Variants in C17orf99 observed in about 807,000 individuals in gnomAD.
C17orf99 encodes protein IL-40.
A neutral mutation model predicts 22.6 loss-of-function variants in C17orf99; 18 were observed. The observed-to-expected ratio is 0.80, with a 90% CI of 0.55 to 1.18. The LOEUF is 1.18. Ranked by LOEUF, C17orf99 falls within the 50% of genes most tolerant of loss-of-function variation. The pLI is 0.00. For missense variants in C17orf99, 328 were observed against 342.7 expected (o/e 0.96, Z 0.34); for synonymous variants, 147 against 136.6 (o/e 1.08, Z -0.53).
upstream of C17orf99, among the ~76,000 whole-genome samples, chr17:78,145,730 C>G (rs947339678): frequency 3.9e-5 from 6 of 151,942 alleles, no homozygotes; most frequent in East Asian, 1.9e-4. Context: ...AGACTCACAG[C>G]CTTCATTCCC....
In C17orf99 at chr17:78,155,463, ATTC is replaced by A. The variant is rs149714719; in HGVS notation, c.71-5489_71-5487del. The stretch of plus-strand genomic sequence containing the variant: ...CCCAAGCACTGCCCCACCACACAGT[ATTC>A]TTTTTTTCTTTTTAATTTTTCTTTC... On this transcript the variant is annotated intron_variant, in intron 2 of 4. Transcript: ENST00000340363. 2.6e-3 allele frequency among the ~76,000 whole-genome samples: 391 copies of A among 152,038 alleles called. 2 individuals carry two copies. The highest frequency in any genetic ancestry group is 8.6e-3 in the African/African-American group (355 of 41,456).
chr17:78,157,471 G>A (rs12947186), intron 2 of C17orf99: 155,065 of 1,301,644 alleles, frequency 0.12, 10,622 homozygotes, highest in Admixed American at 0.23. Flanking sequence ...GGGCCTCAGC[G>A]ACCTTCCCAA....
chr17:78,161,127 CT>C lies in C17orf99; in HGVS notation c.244del (p.Ser82ProfsTer65). 1 of 1,551,828 alleles carries C rather than the reference CT, an allele frequency of 6.4e-7. No homozygotes were observed. Among genetic ancestry groups the C allele is most frequent in the Non-Finnish European group, 8.7e-7 (1 of 1,147,022 alleles). ...AGGTGGTGAAGACCCACGAGCCGGC[CT>C]CCTTCAACCTCAACGTCACACTCAA... ...KKVVKTHEPASFNLNVTLKSS... is the reference protein window; with the variant it reads ...KKVVKTHEPAXFNLNVTLKSS... On this transcript the variant is annotated frameshift_variant, in exon 3 of 5. Transcript: ENST00000340363. LOFTEE classifies it high-confidence loss of function.
chr17:78,165,174 G>T (rs2075608698), intron 4 of C17orf99: 2 of 997,906 alleles, frequency 2.0e-6, no homozygotes, highest in African/African-American at 1.7e-5. Flanking sequence ...GGCACCACAG[G>T]CCTGTGTGCT....
Position 78,161,195 on chromosome 17 carries a change from C to T in C17orf99, c.311C>T (p.Ser104Phe), listed in dbSNP as rs1193716884. 1 of 1,551,736 alleles carries T rather than the reference C, an allele frequency of 6.4e-7. No individual in the cohort carries two copies. Residue 104 changes from serine (S) to phenylalanine (F), a missense_variant, in exon 3 of 5, where the codon TCC becomes TTC. Coordinates refer to ENST00000340363, the MANE Select transcript of C17orf99 (RefSeq NM_001163075.2). ...DLLTYFCWASSTSGAHVDSAR... is the reference protein window; with the variant it reads ...DLLTYFCWASFTSGAHVDSAR... The stretch of plus-strand genomic sequence containing the variant: ...CTCACCTACTTCTGCTGGGCGTCCT[C>T]CACCTCAGGTGCCCATGTGGACAGT...
At chr17:78,145,605 T>C (rs1388304008), upstream of C17orf99, among the ~76,000 whole-genome samples, 1 of 152,030 alleles carries the variant, frequency 6.6e-6, no homozygotes, top group Non-Finnish European at 1.5e-5. Context: ...TGAACCATCA[T>C]GGGTGGGGCT....
At chr17:78,153,521 G>A (rs1334595565) in intron 2 of C17orf99, among the ~76,000 whole-genome samples, 2 of 152,098 alleles carry the variant, frequency 1.3e-5, no homozygotes, top group Non-Finnish European at 2.9e-5. Flanking sequence ...CCCTGGTACA[G>A]TGTACTTTCA....
Position 78,164,305 on chromosome 17 carries a change from G to C in C17orf99, c.581G>C (p.Trp194Ser). The C allele has an allele frequency of 1.3e-6, 2 of 1,551,610 alleles. No individual in the cohort carries two copies. Among genetic ancestry groups the C allele is most frequent in the Non-Finnish European group, 1.7e-6 (2 of 1,146,998 alleles). Residue 194 changes from tryptophan (W) to serine (S), a missense_variant, in exon 4 of 5, where the codon TGG (tryptophan) becomes TCG (serine). Transcript: ENST00000340363. ...FLPSQTSDWF[W>S]CQAANNANVQ... Reference sequence around the variant, plus strand: ...CCGAGCCAGACATCGGACTGGTTCTGGTGCCAGGCTGCAAACAACGCCAAT... The same window carrying C: ...CCGAGCCAGACATCGGACTGGTTCTCGTGCCAGGCTGCAAACAACGCCAAT...
intron 2 of C17orf99, among the ~76,000 whole-genome samples, chr17:78,155,958 G>A (rs1464670323): frequency 1.3e-5 from 2 of 151,740 alleles, no homozygotes; most frequent in Admixed American, 6.6e-5. Context: ...ACAGGTCCCC[G>A]CCATTGGTAT....
chr17:78,161,361 G>T (rs2075575329), intron 3 of C17orf99, 107 bp downstream of exon 3: 8 of 977,596 alleles, frequency 8.2e-6, no homozygotes, highest in Non-Finnish European at 1.2e-5. Context: ...AGAGAGCCAG[G>T]GTGTGAGGGT....
intron 2 of C17orf99, chr17:78,158,262 C>G (rs2075544115): frequency 1.9e-6 from 1 of 532,748 alleles, no homozygotes; most frequent in Admixed American, 2.3e-5. Flanking sequence ...GCTGGCTTGG[C>G]TCTGCCCTGG....
chr17:78,152,240 G>A (rs1357849841), intron 2 of C17orf99, among the ~76,000 whole-genome samples: 1 of 151,952 alleles, frequency 6.6e-6, no homozygotes, highest in Non-Finnish European at 1.5e-5. Flanking sequence ...GTGCAGTGGC[G>A]CGATTACAGC....
In C17orf99 at chr17:78,158,705, C is replaced by T. The variant is rs541368509; in HGVS notation, c.71-2250C>T. 7.8e-5 allele frequency: 13 copies of T among 166,738 alleles called. No homozygotes were observed. The South Asian group carries it at 8.3e-4, about 11-fold the overall frequency. The allele number at this position is 166,738 out of a possible 1,614,324, so 10.3% of individuals were successfully genotyped here. A position where few individuals can be genotyped will look rare whatever the true frequency, so the allele number is the denominator to read the frequency against. ...TCCCTTGGCCAGGAGCAAGCGAAGC[C>T]GTGGCTTTGGGGAAGCTGCCCTCCT... On this transcript the variant is annotated intron_variant, in intron 2 of 4. Coordinates refer to ENST00000340363, the MANE Select transcript of C17orf99 (RefSeq NM_001163075.2).
chr17:78,163,904 T>C (rs1054629856), intron 3 of C17orf99, among the ~76,000 whole-genome samples, 191 bp from the exon 4 acceptor site: 9 of 152,168 alleles, frequency 5.9e-5, no homozygotes, highest in Non-Finnish European at 1.0e-4. Flanking sequence ...AAATGTGAAA[T>C]TGTGTGGTAC....
chr17:78,149,984 C>T (rs2145771680), intron 2 of C17orf99, among the ~76,000 whole-genome samples: 1 of 152,000 alleles, frequency 6.6e-6, no homozygotes, highest in South Asian at 2.1e-4. Context: ...GCTGGGATTA[C>T]AGGCGAGAGC....
chr17:78,147,495 G>A lies in C17orf99; in HGVS notation c.70+584G>A, dbSNP rs7222100. ...CAGGGAGGAGGGGACGCTGGGGAAG[G>A]TCCCTGACAGCCCCTAGCCTGGCCT... On this transcript the variant is annotated intron_variant, in intron 2 of 4. Coordinates refer to ENST00000340363, the MANE Select transcript of C17orf99 (RefSeq NM_001163075.2). Among the ~76,000 whole-genome samples the A allele has an allele frequency of 2.9e-3, 436 of 152,262 alleles. 4 individuals carry two copies. Among genetic ancestry groups the A allele is most frequent in the Middle Eastern group, 0.01 (3 of 294 alleles).
chr17:78,163,509 T>A (rs966094182), intron 3 of C17orf99, among the ~76,000 whole-genome samples: 3 of 152,240 alleles, frequency 2.0e-5, no homozygotes, highest in Non-Finnish European at 4.4e-5. Context: ...TCATTGTTTA[T>A]CTGAAATGAA....
chr17:78,158,149 C>G (rs2075543073), intron 2 of C17orf99: 2 of 803,014 alleles, frequency 2.5e-6, no homozygotes, highest in Admixed American at 1.8e-5. Flanking sequence ...AGATCCTGAT[C>G]ATGGTGCTGT....
rs552655489 is a variant in C17orf99 at position 78,164,072 on chromosome 17, G to A, written c.371-23G>A. On this transcript the variant is annotated intron_variant, in intron 3 of 4. Coordinates refer to ENST00000340363, the MANE Select transcript of C17orf99 (RefSeq NM_001163075.2). ...TTTAAAACCGCTCAGCCATGCCTGT[G>A]CTACCTTCTCCCACCCTGCCAGAGC... 1,334 of 1,547,094 alleles carry A rather than the reference G, an allele frequency of 8.6e-4. 24 individuals are homozygous for A. In the South Asian group the frequency reaches 0.015, roughly 17 times the overall value.
Sources: gnomAD v4.1 joint callset for allele counts (sites outside exome capture counted in the v4.1 genomes callset) on GRCh38, gnomAD v4.1.1 for gene constraint, MANE v1.5 for transcripts, NCBI Gene and HGNC (gene_info 2026-07-23, HGNC 2026-07-21) for gene names.